PCDHGA2: variants seen among roughly 807,000 people sequenced by gnomAD.
The protein encoded by PCDHGA2 is protocadherin gamma-A2.
A neutral mutation model predicts 59.2 loss-of-function variants in PCDHGA2; 40 were observed. The ratio of observed to expected loss-of-function variants is 0.68; its 90% CI spans 0.52 to 0.88. The LOEUF (loss-of-function observed/expected upper bound fraction) is 0.88. Among genes scored for constraint, PCDHGA2 ranks in the 40% least tolerant of loss-of-function variants. The pLI, the probability that PCDHGA2 is intolerant of heterozygous loss-of-function variation, is 0.00. For synonymous variants in PCDHGA2, 560 were observed against 526.0 expected (o/e 1.06, Z -0.89); for missense variants, 1,226 against 1,204.0 (o/e 1.02, Z -0.27).
chr5:141,375,766 G>T (rs754916018), intron 1 of PCDHGA2: 5 of 1,614,270 alleles, frequency 3.1e-6, no homozygotes, highest in Non-Finnish European at 4.2e-6. Flanking sequence ...ATGCGCCCGA[G>T]ATCCTGTACC....
intron 1 of PCDHGA2, chr5:141,385,518 A>T (rs1194402340): frequency 9.5e-6 from 13 of 1,366,176 alleles, no homozygotes; most frequent in Non-Finnish European, 1.2e-5. Flanking sequence ...GTGAAAGCCT[A>T]TGGACAAGAT....
intron 1 of PCDHGA2, among the ~76,000 whole-genome samples, chr5:141,397,195 GAT>G (rs2093485710): frequency 1.3e-5 from 2 of 152,150 alleles, no homozygotes; most frequent in Admixed American, 1.3e-4. Context: ...TACTGTAAAA[GAT>G]ATGACATAAG....
Position 141,489,323 on chromosome 5 carries a change from C to T in PCDHGA2, c.2425-5484C>T, listed in dbSNP as rs746520513. 1 of 1,601,632 alleles carries T rather than the reference C, an allele frequency of 6.2e-7. No individual in the cohort carries two copies. Among genetic ancestry groups the T allele is most frequent in the Non-Finnish European group, 8.5e-7 (1 of 1,172,950 alleles). ...TCCTTGTGCTGCTGGGGCTGGGTGT[C>T]TGGGCAGCTTCGTTACTCAGTGGTG... On this transcript the variant is annotated intron_variant, in intron 1 of 3. Coordinates refer to ENST00000394576, the MANE Select transcript of PCDHGA2 (RefSeq NM_018915.4). The surrounding 1 kb of genome is among the most constrained non-coding windows in gnomAD (Gnocchi z 4.5).
intron 1 of PCDHGA2, chr5:141,376,319 G>C: frequency 3.7e-6 from 6 of 1,614,220 alleles, no homozygotes; most frequent in Non-Finnish European, 4.2e-6. Context: ...CGTGGAAGGG[G>C]TTCGGGCTTT....
intron 1 of PCDHGA2, chr5:141,421,487 C>A (rs1447180364): frequency 6.2e-7 from 1 of 1,613,976 alleles, no homozygotes; most frequent in East Asian, 2.2e-5. Context: ...AGCTTGATCA[C>A]GGCAGGCAGG....
At chr5:141,400,227 C>T in intron 1 of PCDHGA2, 1 of 1,614,052 alleles carries the variant, frequency 6.2e-7, no homozygotes, top group Middle Eastern at 1.6e-4. Flanking sequence ...TGCTCTTCCT[C>T]CTGGCCGTGA....
At chr5:141,370,644 T>G in intron 1 of PCDHGA2, 1 of 1,613,920 alleles carries the variant, frequency 6.2e-7, no homozygotes, top group African/African-American at 1.3e-5. Flanking sequence ...AAATGGGAAC[T>G]TACTTGTGAG....
rs183514769 is a variant in PCDHGA2 at position 141,351,107 on chromosome 5, A to G, written c.2424+9712A>G. The G allele has an allele frequency of 4.5e-4, 724 of 1,614,064 alleles. 4 individuals are homozygous for G. In the East Asian group the frequency reaches 9.0e-3, roughly 20 times the overall value. On this transcript the variant is annotated intron_variant, in intron 1 of 3. Coordinates refer to ENST00000394576, the MANE Select transcript of PCDHGA2 (RefSeq NM_018915.4). ...CACCTATGCCTTCCTCAATTCCCCA[A>G]TAAGTACCAGCCTCTTCAATCTCAA...
intron 1 of PCDHGA2, chr5:141,413,419 A>C: frequency 6.2e-7 from 1 of 1,614,084 alleles, no homozygotes; most frequent in Non-Finnish European, 8.5e-7. Context: ...TTTCTCTCTG[A>C]ACCCGCGCAG....
intron 1 of PCDHGA2, chr5:141,351,048 C>A: frequency 6.2e-7 from 1 of 1,614,036 alleles, no homozygotes; most frequent in Non-Finnish European, 8.5e-7. Flanking sequence ...CGGGTGATGG[C>A]CACAGACCAG....
intron 1 of PCDHGA2, chr5:141,389,373 C>T (rs1561624770): frequency 3.1e-6 from 5 of 1,613,756 alleles, no homozygotes; most frequent in Non-Finnish European, 4.2e-6. Flanking sequence ...CCTGGAGCAG[C>T]GGGAGCTGTC....
At position 141,340,229 on chromosome 5, in the gene PCDHGA2, A is replaced by G. The variant is rs139578724; in HGVS notation, c.1258A>G (p.Ile420Val). Reference protein sequence around the residue: ...LDREQFSFYNITLTAKDGGNP... With the variant: ...LDREQFSFYNVTLTAKDGGNP... Reference sequence around the variant, plus strand: ...CAGGGAACAGTTTTCCTTTTACAACATCACTCTAACCGCTAAAGATGGAGG... The same window carrying G: ...CAGGGAACAGTTTTCCTTTTACAACGTCACTCTAACCGCTAAAGATGGAGG... Residue 420 changes from isoleucine (I) to valine (V), a missense_variant, in exon 1 of 4, where the codon ATC becomes GTC. Coordinates refer to ENST00000394576, the MANE Select transcript of PCDHGA2 (RefSeq NM_018915.4). The G allele has an allele frequency of 1.2e-4, 195 of 1,614,162 alleles. No homozygotes were observed. The African/African-American group carries it at 2.3e-3, about 19-fold the overall frequency.
intron 1 of PCDHGA2, among the ~76,000 whole-genome samples, chr5:141,464,151 G>A (rs2099076865): frequency 6.6e-6 from 1 of 151,818 alleles, no homozygotes; most frequent in Non-Finnish European, 1.5e-5. Flanking sequence ...TGTAGTCCCA[G>A]CTACTTGGAA....
intron 1 of PCDHGA2, chr5:141,345,463 A>G (rs775001593): frequency 9.3e-6 from 15 of 1,614,042 alleles, no homozygotes; most frequent in Admixed American, 6.7e-5. Context: ...GTGACAGCCC[A>G]GGACCCAGAT....
At chr5:141,371,123 TC>T in intron 1 of PCDHGA2, 1 of 1,613,954 alleles carries the variant, frequency 6.2e-7, no homozygotes, top group Non-Finnish European at 8.5e-7. Flanking sequence ...CAGTATTTAC[TC>T]AGGACATGTA....
chr5:141,489,900 A>G lies in PCDHGA2; in HGVS notation c.2425-4907A>G, dbSNP rs963522810. The stretch of plus-strand genomic sequence containing the variant: ...TTACTGCTGTGGATGGGGGGACCCC[A>G]GCCCGCTCAGGGACCACCCTTATCT... On this transcript the variant is annotated intron_variant, in intron 1 of 3. Transcript: ENST00000394576. The surrounding 1 kb of genome is among the most constrained non-coding windows in gnomAD (Gnocchi z 4.5). The G allele has an allele frequency of 1.9e-6, 3 of 1,614,254 alleles. No homozygotes were observed. The highest frequency in any genetic ancestry group is 1.7e-5 in the Admixed American group (1 of 60,026).
At chr5:141,484,877 G>T in intron 1 of PCDHGA2, 1 of 338,660 alleles carries the variant, frequency 3.0e-6, no homozygotes, top group Non-Finnish European at 5.4e-6. Context: ...GTGGAGGATA[G>T]GGTGGGCTTT....
In PCDHGA2 at chr5:141,403,683, A is replaced by G. The variant is rs757429628; in HGVS notation, c.2424+62288A>G. 2.5e-6 allele frequency: 4 copies of G among 1,613,804 alleles called. No individual in the cohort carries two copies. The highest frequency in any genetic ancestry group is 1.7e-6 in the Non-Finnish European group (2 of 1,179,888). ...AATGATAATGCCCCGGTTTTTGCTC[A>G]ACGGATTTACCGAGTTAAAGTCCTT... On this transcript the variant is annotated intron_variant, in intron 1 of 3. Transcript: ENST00000394576.
rs1203114280 is a variant in PCDHGA2 at position 141,344,088 on chromosome 5, C to A, written c.2424+2693C>A. On this transcript the variant is annotated intron_variant, in intron 1 of 3. Coordinates refer to ENST00000394576, the MANE Select transcript of PCDHGA2 (RefSeq NM_018915.4). ...CAGAGGACTGGCCCTGCTGTGCGCGCTCCTGGGGACGCTGTGCGAAACAGG... is the reference window on the plus strand; with the variant it reads ...CAGAGGACTGGCCCTGCTGTGCGCGATCCTGGGGACGCTGTGCGAAACAGG... 1.2e-6 allele frequency: 2 copies of A among 1,612,960 alleles called. No homozygotes were observed. The highest frequency in any genetic ancestry group is 1.7e-5 in the Admixed American group (1 of 59,908).
Sources: allele counts gnomAD v4.1 joint callset (sites outside exome capture counted in the v4.1 genomes callset), GRCh38; gene constraint gnomAD v4.1.1; non-coding constraint Gnocchi (gnomAD v3.1); transcripts MANE v1.5; gene names NCBI Gene and HGNC (gene_info 2026-07-23, HGNC 2026-07-21).